SRGAP3: variants seen among roughly 807,000 people sequenced by gnomAD.
SRGAP3 encodes SLIT-ROBO Rho GTPase-activating protein 3.
SRGAP3 carries 39 observed loss-of-function variants against 121.1 expected under a neutral mutation model. The ratio of observed to expected loss-of-function variants is 0.32; its 90% CI spans 0.25 to 0.42. The LOEUF is 0.42. Among genes scored for constraint, SRGAP3 ranks in the 10% least tolerant of loss-of-function variants. The pLI is 1.00. For missense variants in SRGAP3, 1,213 were observed against 1,470.6 expected (o/e 0.82, Z 2.86); for synonymous variants, 601 against 570.0 (o/e 1.05, Z -0.77).
Position 8,983,078 on chromosome 3 carries a change from A to C in SRGAP3, c.*2441T>G, listed in dbSNP as rs995286043. 3 of 226,634 alleles carry C rather than the reference A, an allele frequency of 1.3e-5. No homozygotes were observed. Among genetic ancestry groups the C allele is most frequent in the Non-Finnish European group, 2.6e-5 (3 of 113,980 alleles). The allele number at this position is 226,634 out of a possible 1,614,324, so 14.0% of individuals were successfully genotyped here. A position where few individuals can be genotyped will look rare whatever the true frequency, so the allele number is the denominator to read the frequency against. ...TTTTGCCTGGGAGGCTACTGGATTT[A>C]GGATCTGGGAGTATCTTGAGGGTAG... On this transcript the variant is annotated 3_prime_UTR_variant, in exon 22 of 22. Transcript: ENST00000383836.
At chr3:9,261,426 T>C (rs1954253674) in intron 3 of SRGAP3, among the ~76,000 whole-genome samples, 1 of 151,920 alleles carries the variant, frequency 6.6e-6, no homozygotes, top group Non-Finnish European at 1.5e-5. Context: ...ATGTTCTAAC[T>C]AAATGCAAGG....
At chr3:9,046,346 CCT>C (rs138059911) in intron 10 of SRGAP3, among the ~76,000 whole-genome samples, 2,519 of 152,322 alleles carry the variant, frequency 0.017, 36 homozygotes, top group South Asian at 0.039. Flanking sequence ...TGCTCTACCC[CCT>C]GATTTGGGTG....
At chr3:9,255,750 G>T (rs182040852) in intron 3 of SRGAP3, among the ~76,000 whole-genome samples, 1 of 152,174 alleles carries the variant, frequency 6.6e-6, no homozygotes, top group Non-Finnish European at 1.5e-5. Flanking sequence ...CAAAGTCAAC[G>T]TGTGTCTGCT....
At chr3:9,227,056 T>A (rs929924685) in intron 1 of SRGAP3, among the ~76,000 whole-genome samples, 3 of 152,164 alleles carry the variant, frequency 2.0e-5, no homozygotes, top group Admixed American at 1.3e-4. Flanking sequence ...AGGTGGGCAC[T>A]GGCACAAGTC....
At chr3:9,306,308 T>TCA (rs1955160575) in intron 3 of SRGAP3, among the ~76,000 whole-genome samples, 1 of 152,238 alleles carries the variant, frequency 6.6e-6, no homozygotes, top group Non-Finnish European at 1.5e-5. Flanking sequence ...AGACTCTGGA[T>TCA]ATTAGCCCTT....
chr3:9,268,612 TG>T, intron 3 of SRGAP3, among the ~76,000 whole-genome samples: 1 of 152,126 alleles, frequency 6.6e-6, no homozygotes, highest in Non-Finnish European at 1.5e-5. Context: ...AAAGCAGTCT[TG>T]TAAGAGACCC....
chr3:8,985,460 G>A lies in SRGAP3; in HGVS notation c.*59C>T. 1 of 1,591,120 alleles carries A rather than the reference G, an allele frequency of 6.3e-7. No homozygotes were observed. Among genetic ancestry groups the A allele is most frequent in the Non-Finnish European group, 8.5e-7 (1 of 1,176,098 alleles). On this transcript the variant is annotated 3_prime_UTR_variant, in exon 22 of 22. Coordinates refer to ENST00000383836, the MANE Select transcript of SRGAP3 (RefSeq NM_014850.4). This position sits in a 1 kb window ranked among gnomAD's most constrained non-coding sequence, Gnocchi z 5.1. Reference sequence around the variant, plus strand: ...CTGGGAAGCACGTGGAAGCCACCAAGGCCACCCTGGGCCGTGGTGAGCCAC... The same window carrying A: ...CTGGGAAGCACGTGGAAGCCACCAAAGCCACCCTGGGCCGTGGTGAGCCAC...
intron 1 of SRGAP3, among the ~76,000 whole-genome samples, chr3:9,211,714 C>G (rs1952453173): frequency 7.1e-6 from 1 of 140,394 alleles, no homozygotes; most frequent in Non-Finnish European, 1.5e-5. Flanking sequence ...GTCACCCAGG[C>G]TGGAGTGCAG....
At chr3:9,353,241 G>A (rs2030295319) in intron 1 of SRGAP3, among the ~76,000 whole-genome samples, 1 of 152,228 alleles carries the variant, frequency 6.6e-6, no homozygotes, top group Non-Finnish European at 1.5e-5. Flanking sequence ...CACACAGGGA[G>A]GAGAGAATGG....
intron 1 of SRGAP3, among the ~76,000 whole-genome samples, chr3:9,158,188 G>C (rs138445817): frequency 2.6e-5 from 4 of 152,140 alleles, no homozygotes; most frequent in Non-Finnish European, 5.9e-5. Flanking sequence ...GCTTCTCTCC[G>C]GCTCTCCTGT....
At chr3:9,036,427 G>T (rs1368938954) in intron 11 of SRGAP3, 1 of 152,260 alleles carries the variant, frequency 6.6e-6, no homozygotes, top group Non-Finnish European at 1.5e-5. Flanking sequence ...GGCTATGTCT[G>T]CAATTGAACG....
At chr3:9,267,767 T>C (rs995884132) in intron 3 of SRGAP3, among the ~76,000 whole-genome samples, 4 of 152,288 alleles carry the variant, frequency 2.6e-5, no homozygotes, top group African/African-American at 9.6e-5. Flanking sequence ...ATATGCTGTC[T>C]GGACAACAGC....
Position 9,196,142 on chromosome 3 carries a change from G to A in SRGAP3, c.67+52743C>T, listed in dbSNP as rs146051498. Among the ~76,000 whole-genome samples, 1,049 of 152,316 alleles carry A rather than the reference G, an allele frequency of 6.9e-3. 9 individuals carry two copies. The highest frequency in any genetic ancestry group is 0.044 in the South Asian group (214 of 4,826). ...AATGAAAGCCAGGAACCCTCCAGAC[G>A]GAGAGAGCAGTTTAATCCAGGTGAA... On this transcript the variant is annotated intron_variant, in intron 1 of 21. Coordinates refer to ENST00000383836, the MANE Select transcript of SRGAP3 (RefSeq NM_014850.4).
chr3:9,042,852 T>C (rs1048329651), intron 10 of SRGAP3, among the ~76,000 whole-genome samples: 4 of 152,282 alleles, frequency 2.6e-5, no homozygotes, highest in African/African-American at 9.6e-5. Flanking sequence ...TCCCAAACCG[T>C]CCACTCTTCT....
At chr3:8,986,287 G>C (rs1231956224) in intron 21 of SRGAP3, among the ~76,000 whole-genome samples, 1 of 152,142 alleles carries the variant, frequency 6.6e-6, no homozygotes, top group African/African-American at 2.4e-5. Flanking sequence ...ATTTGTAAAT[G>C]GCAGATAATT....
At chr3:9,251,892 G>A (rs1470792171), upstream of SRGAP3, among the ~76,000 whole-genome samples, 1 of 152,162 alleles carries the variant, frequency 6.6e-6, no homozygotes, top group Non-Finnish European at 1.5e-5. Flanking sequence ...TCTGAGTCTT[G>A]GTTTCCTCAT....
intron 1 of SRGAP3, among the ~76,000 whole-genome samples, chr3:9,144,306 C>G (rs1395840996): frequency 2.0e-5 from 3 of 152,218 alleles, no homozygotes; most frequent in Non-Finnish European, 4.4e-5. Flanking sequence ...CCCATTTGCT[C>G]TTTGTGCCCT....
chr3:9,325,257 T>C (rs1485257942), intron 3 of SRGAP3, among the ~76,000 whole-genome samples: 1 of 151,874 alleles, frequency 6.6e-6, no homozygotes, highest in Admixed American at 6.5e-5. Context: ...ACCAAGAGTT[T>C]GGAGTATGCT....
intron 1 of SRGAP3, among the ~76,000 whole-genome samples, chr3:9,362,143 C>T (rs1237154429): frequency 2.0e-5 from 3 of 146,404 alleles, no homozygotes; most frequent in Non-Finnish European, 4.5e-5. Context: ...GTCAAAATGG[C>T]TACCATGCAG....
Sources: gnomAD v4.1 joint callset for allele counts (sites outside exome capture counted in the v4.1 genomes callset) on GRCh38, gnomAD v4.1.1 for gene constraint, Gnocchi (gnomAD v3.1) non-coding constraint, MANE v1.5 for transcripts, NCBI Gene and HGNC (gene_info 2026-07-23, HGNC 2026-07-21) for gene names.